C12orf42: variants seen among roughly 807,000 people sequenced by gnomAD.
C12orf42 encodes the protein uncharacterized protein C12orf42.
In C12orf42, 25 loss-of-function variants were observed where a neutral mutation model predicts 21.6. The ratio of observed to expected loss-of-function variants is 1.16; its 90% CI spans 0.84 to 1.62. The LOEUF is 1.62. C12orf42 is among the 40% of genes most tolerant of loss of function. The pLI is 0.00. For missense variants in C12orf42, 483 were observed against 459.3 expected (o/e 1.05, Z -0.47); for synonymous variants, 174 against 175.0 (o/e 0.99, Z 0.05).
the C12orf42 span, among the ~76,000 whole-genome samples, chr12:103,540,621 G>A: frequency 6.6e-6 from 1 of 152,056 alleles, no homozygotes; most frequent in Non-Finnish European, 1.5e-5. Context: ...CAGCTTTCCT[G>A]TGGCCTGCTA....
chr12:103,318,697 C>T (rs984027668), intron 4 of C12orf42, among the ~76,000 whole-genome samples: 4 of 152,100 alleles, frequency 2.6e-5, no homozygotes, highest in Non-Finnish European at 5.9e-5. Context: ...CTTTCTCCTG[C>T]CCCGTGTATT....
intron 2 of C12orf42, among the ~76,000 whole-genome samples, chr12:103,426,449 T>C (rs563640958): frequency 6.6e-6 from 1 of 152,166 alleles, no homozygotes; most frequent in African/African-American, 2.4e-5. Context: ...CTCCAAGAAA[T>C]ATTGGACTAT....
chr12:103,480,942 T>A (rs997917340), intron 1 of C12orf42, among the ~76,000 whole-genome samples: 3 of 151,804 alleles, frequency 2.0e-5, no homozygotes, highest in Non-Finnish European at 4.4e-5. Flanking sequence ...CTTGATTTTT[T>A]ATCTGCTTCA....
At chr12:103,479,371 A>G (rs1565893833) in intron 1 of C12orf42, among the ~76,000 whole-genome samples, 1 of 152,084 alleles carries the variant, frequency 6.6e-6, no homozygotes, top group Non-Finnish European at 1.5e-5. Flanking sequence ...AAAGGGTTGA[A>G]AAAGAAAAGA....
chr12:103,450,216 G>A (rs1413140139), intron 2 of C12orf42, among the ~76,000 whole-genome samples: 1 of 152,046 alleles, frequency 6.6e-6, no homozygotes, highest in Non-Finnish European at 1.5e-5. Flanking sequence ...AACTTAACAT[G>A]ATAGATTTGG....
At position 103,359,905 on chromosome 12, in the gene C12orf42, T is replaced by C. The variant is rs12317888; in HGVS notation, c.259+8982A>G. On this transcript the variant is annotated intron_variant, in intron 4 of 5. Transcript: ENST00000548883. ...TGAATATGTAAGCCCTTCCCCAACT[T>C]GACCTTCTCCCTGAATCCTCAGCTT... Among the ~76,000 whole-genome samples, 817 of 151,700 alleles carry C rather than the reference T, an allele frequency of 5.4e-3. 8 individuals carry two copies. The highest frequency in any genetic ancestry group is 0.019 in the African/African-American group (775 of 41,422).
rs760769564 is a variant in C12orf42, at chr12:103,304,471, T to C, written c.631+1503A>G. ...GTAGGTGACATTTCAAGTCAAAGAC[T>C]TGAAATGAGAAAGGAAACTAGCTAA... On this transcript the variant is annotated intron_variant, in intron 5 of 5. Coordinates refer to ENST00000548883, the MANE Select transcript of C12orf42 (RefSeq NM_198521.5). Among the ~76,000 whole-genome samples, 54 of 152,202 alleles carry C rather than the reference T, an allele frequency of 3.5e-4. 1 individual carries two copies. Among genetic ancestry groups the C allele is most frequent in the Admixed American group, 1.2e-3 (19 of 15,274 alleles).
chr12:103,137,853 C>A, the C12orf42 span, among the ~76,000 whole-genome samples: 1 of 151,918 alleles, frequency 6.6e-6, no homozygotes, highest in Non-Finnish European at 1.5e-5. Flanking sequence ...GAATGATAGA[C>A]ATGAGAGGCC....
the C12orf42 span, among the ~76,000 whole-genome samples, chr12:103,099,242 T>C: frequency 1.3e-5 from 2 of 152,206 alleles, no homozygotes; most frequent in Non-Finnish European, 2.9e-5. Flanking sequence ...AGATGGAAAA[T>C]GCAAACACAT....
At chr12:103,257,907 A>C (rs543739617) in intron 10 of C12orf42, among the ~76,000 whole-genome samples, 2 of 152,028 alleles carry the variant, frequency 1.3e-5, no homozygotes, top group African/African-American at 4.8e-5. Context: ...ATATCAAAAA[A>C]AATTCTAATA....
At chr12:103,439,364 G>A (rs557779131) in intron 2 of C12orf42, among the ~76,000 whole-genome samples, 2,277 of 151,066 alleles carry the variant, frequency 0.015, 18 homozygotes, top group Middle Eastern at 0.031. Context: ...CTTCATGTCC[G>A]AAACACCAAA....
At chr12:103,390,163 G>T (rs1051903136) in intron 3 of C12orf42, among the ~76,000 whole-genome samples, 1 of 151,976 alleles carries the variant, frequency 6.6e-6, no homozygotes, top group Non-Finnish European at 1.5e-5. Context: ...TTTCCTCCCT[G>T]CTCCCTTAGT....
the C12orf42 span, among the ~76,000 whole-genome samples, chr12:103,538,826 C>A: frequency 6.6e-6 from 1 of 152,046 alleles, no homozygotes. Flanking sequence ...TTCTGTTTTC[C>A]TGGCCAAATC....
At chr12:103,139,250 A>G in the C12orf42 span, among the ~76,000 whole-genome samples, 12 of 152,172 alleles carry the variant, frequency 7.9e-5, no homozygotes, top group Non-Finnish European at 1.6e-4. Flanking sequence ...GATTATAATA[A>G]TAATTATTGT....
chr12:103,068,931 CCACATATATATATATATATATA>C, the C12orf42 span, among the ~76,000 whole-genome samples: 1 of 47,048 alleles, frequency 2.1e-5, no homozygotes, highest in Non-Finnish European at 4.2e-5. Context: ...ATCTCTCTCT[CCACATATATATATATATATATA>C]TATATATATA....
At chr12:103,160,862 T>TA in the C12orf42 span, among the ~76,000 whole-genome samples, 2 of 152,226 alleles carry the variant, frequency 1.3e-5, no homozygotes, top group South Asian at 4.1e-4. Context: ...GTTCTGGACT[T>TA]ACTGGATTTG....
At chr12:103,287,463 C>A (rs1166641683) in intron 4 of C12orf42, among the ~76,000 whole-genome samples, 3 of 151,584 alleles carry the variant, frequency 2.0e-5, no homozygotes, top group Non-Finnish European at 2.9e-5. Flanking sequence ...GACAAAAAAA[C>A]CAAACACCGC....
intron 4 of C12orf42, among the ~76,000 whole-genome samples, chr12:103,365,686 C>G (rs766926023): frequency 2.0e-5 from 3 of 151,812 alleles, no homozygotes; most frequent in African/African-American, 7.3e-5. Flanking sequence ...CCAATAGTGA[C>G]CAAGCTAAGA....
the C12orf42 span, among the ~76,000 whole-genome samples, chr12:103,223,892 A>G: frequency 3.9e-5 from 6 of 152,226 alleles, no homozygotes; most frequent in East Asian, 1.2e-3. Flanking sequence ...TGTGTTTTTA[A>G]AAGACCTTTA....
Sources: gnomAD v4.1 joint callset for allele counts (sites outside exome capture counted in the v4.1 genomes callset) on GRCh38, gnomAD v4.1.1 for gene constraint, MANE v1.5 for transcripts, NCBI Gene and HGNC (gene_info 2026-07-23, HGNC 2026-07-21) for gene names.